Variants in PEX7 observed in about 807,000 individuals in gnomAD.
PEX7 encodes peroxisomal biogenesis factor 7.
Under a neutral mutation model 47.5 loss-of-function variants are expected in PEX7, and 34 were observed. The ratio of observed to expected loss-of-function variants is 0.72; its 90% CI spans 0.54 to 0.95. PEX7 has a LOEUF of 0.95. PEX7 is among the 40% of genes least tolerant of loss of function. The pLI, the probability that PEX7 is intolerant of heterozygous loss-of-function variation, is 0.00. For synonymous variants in PEX7, 141 were observed against 148.8 expected, an observed-to-expected ratio of 0.95 and a Z score of 0.38; for missense variants, 394 against 400.3, an observed-to-expected ratio of 0.98 and a Z score of 0.13.
At chr6:136,882,022 A>C (rs972004416) in intron 8 of PEX7, among the ~76,000 whole-genome samples, 1 of 152,184 alleles carries the variant, frequency 6.6e-6, no homozygotes, top group Non-Finnish European at 1.5e-5. Context: ...GATCGTGTAT[A>C]ACTTAGAGTC....
chr6:136,850,748 G>T (rs1041760881), intron 5 of PEX7, among the ~76,000 whole-genome samples: 1 of 152,078 alleles, frequency 6.6e-6, no homozygotes, highest in South Asian at 2.1e-4. Context: ...TGAGCAGGTT[G>T]AGCTTGGAGC....
rs375774988 is a variant in PEX7, at chr6:136,847,043, G to A, written c.526+862G>A. Reference sequence around the variant, plus strand: ...TTTGATGATCGCCATTCTAACTGGCGTGAGATGGTATCTCATTGTGGTTTT... The same window carrying A: ...TTTGATGATCGCCATTCTAACTGGCATGAGATGGTATCTCATTGTGGTTTT... On this transcript the variant is annotated intron_variant, in intron 5 of 9. Transcript: ENST00000318471. Among the ~76,000 whole-genome samples the A allele has an allele frequency of 3.4e-3, 515 of 152,298 alleles. 7 individuals are homozygous for A. The highest frequency in any genetic ancestry group is 0.034 in the South Asian group (162 of 4,832).
intron 3 of PEX7, 57 bp downstream of exon 3, chr6:136,826,526 T>C: frequency 1.2e-6 from 2 of 1,604,384 alleles, no homozygotes; most frequent in Non-Finnish European, 8.5e-7. Flanking sequence ...TTGGTTGAAA[T>C]CCATTTGGGG....
chr6:136,843,933 A>G (rs1774548520), intron 3 of PEX7, among the ~76,000 whole-genome samples: 1 of 152,240 alleles, frequency 6.6e-6, no homozygotes, highest in Non-Finnish European at 1.5e-5. Context: ...CTTGATAATC[A>G]AGATAATTTG....
chr6:136,876,283 C>T (rs552310754), intron 8 of PEX7, among the ~76,000 whole-genome samples: 2 of 152,216 alleles, frequency 1.3e-5, no homozygotes, highest in South Asian at 2.1e-4. Context: ...GTGATCCACC[C>T]GCCTCAGCCT....
intron 3 of PEX7, 104 bp downstream of exon 3, chr6:136,826,573 T>A: frequency 7.5e-7 from 1 of 1,326,086 alleles, no homozygotes; most frequent in Non-Finnish European, 1.1e-6. Context: ...GGGACAAGTT[T>A]AAACGTTAGC....
At chr6:136,895,719 A>G (rs991666872) in intron 8 of PEX7, among the ~76,000 whole-genome samples, 1 of 152,214 alleles carries the variant, frequency 6.6e-6, no homozygotes, top group African/African-American at 2.4e-5. Flanking sequence ...ATTAGGCACC[A>G]TAATGTATAC....
intron 9 of PEX7, chr6:136,901,169 A>T (rs531349949): frequency 6.5e-6 from 1 of 152,828 alleles, no homozygotes; most frequent in East Asian, 1.9e-4. Flanking sequence ...TTGGGCAGCT[A>T]TAGGAGAGAG....
chr6:136,863,965 G>A (rs1407794500), intron 5 of PEX7, among the ~76,000 whole-genome samples: 2 of 152,158 alleles, frequency 1.3e-5, no homozygotes. Context: ...AACACAAGGA[G>A]GCAGCAGCGC....
At chr6:136,859,032 C>T (rs1027423773) in intron 5 of PEX7, among the ~76,000 whole-genome samples, 1 of 152,174 alleles carries the variant, frequency 6.6e-6, no homozygotes, top group Non-Finnish European at 1.5e-5. Context: ...ATGTCTAATC[C>T]TGTTGCACAC....
intron 3 of PEX7, among the ~76,000 whole-genome samples, chr6:136,841,355 G>A (rs1774493309): frequency 6.6e-6 from 1 of 152,008 alleles, no homozygotes; most frequent in Non-Finnish European, 1.5e-5. Flanking sequence ...CAGTCCTCAG[G>A]CACAAAACCT....
Position 136,900,256 on chromosome 6 carries a change from T to G in PEX7, c.903+2015T>G, listed in dbSNP as rs1382785749. 1 of 173,660 alleles carries G rather than the reference T, an allele frequency of 5.8e-6. No individual in the cohort carries two copies. Among genetic ancestry groups the G allele is most frequent in the Non-Finnish European group, 1.2e-5 (1 of 82,050 alleles). The allele number at this position is 173,660 out of a possible 1,614,324, so 10.8% of individuals were successfully genotyped here. ...GATTTTATTCAAATTAAGATGGTGA[T>G]CTCAACCAGTATTTTAAACACAAAC... On this transcript the variant is annotated intron_variant, in intron 9 of 9. Coordinates refer to ENST00000318471, the MANE Select transcript of PEX7 (RefSeq NM_000288.4). This position sits in a 1 kb window ranked among gnomAD's most constrained non-coding sequence, Gnocchi z 4.2.
intron 8 of PEX7, among the ~76,000 whole-genome samples, chr6:136,897,395 G>A (rs1313181930): frequency 2.0e-5 from 3 of 152,180 alleles, no homozygotes; most frequent in African/African-American, 7.2e-5. Flanking sequence ...AAAGTACCAT[G>A]TTATGTATTG....
At chr6:136,897,602 T>C (rs1219855045) in intron 8 of PEX7, among the ~76,000 whole-genome samples, 1 of 152,224 alleles carries the variant, frequency 6.6e-6, no homozygotes, top group Non-Finnish European at 1.5e-5. Flanking sequence ...AGAAGAAAGA[T>C]AGTTTCAGAA....
At chr6:136,872,540 T>G (rs1362587104) in intron 8 of PEX7, among the ~76,000 whole-genome samples, 1 of 152,198 alleles carries the variant, frequency 6.6e-6, no homozygotes, top group Non-Finnish European at 1.5e-5. Flanking sequence ...ATAGATGGCA[T>G]AGCCAATATA....
chr6:136,895,312 G>A (rs1283229620), intron 8 of PEX7, among the ~76,000 whole-genome samples: 6 of 152,036 alleles, frequency 3.9e-5, no homozygotes, highest in South Asian at 4.2e-4. Context: ...TTGACATACC[G>A]TTTAGCATTT....
chr6:136,907,462 T>C (rs981701714), intron 9 of PEX7, among the ~76,000 whole-genome samples: 1 of 151,818 alleles, frequency 6.6e-6, no homozygotes, highest in African/African-American at 2.4e-5. Context: ...TTGGCTGCTT[T>C]TTCAAAATGT....
At chr6:136,901,011 G>T in intron 9 of PEX7, 1 of 205,672 alleles carries the variant, frequency 4.9e-6, no homozygotes, top group South Asian at 9.9e-5. Context: ...TTCACAAAGT[G>T]GGTGAGGTCC....
intron 1 of PEX7, among the ~76,000 whole-genome samples, chr6:136,823,793 GGTAA>G (rs1221213749): frequency 6.6e-6 from 1 of 152,120 alleles, no homozygotes; most frequent in Non-Finnish European, 1.5e-5. Flanking sequence ...GGGAGGCTGA[GGTAA>G]GAGAATAGTT....
Sources: allele counts gnomAD v4.1 joint callset (sites outside exome capture counted in the v4.1 genomes callset), GRCh38; gene constraint gnomAD v4.1.1; non-coding constraint Gnocchi (gnomAD v3.1); transcripts MANE v1.5; gene names NCBI Gene and HGNC (gene_info 2026-07-23, HGNC 2026-07-21).